The following KANK4 variants were observed in gnomAD, a reference collection of about 807,000 sequenced individuals.
KANK4 encodes the protein KN motif and ankyrin repeat domains 4.
In KANK4, 50 loss-of-function variants were observed where a neutral mutation model predicts 80.8. The observed-to-expected ratio is 0.62, with a 90% CI of 0.49 to 0.78. KANK4 has a LOEUF of 0.78. KANK4 is among the 30% of genes least tolerant of loss of function. KANK4 has a pLI of 0.00. For synonymous variants in KANK4, 465 were observed against 506.9 expected (o/e 0.92, Z 1.11); for missense variants, 1,196 against 1,240.1 (o/e 0.96, Z 0.53).
chr1:62,242,437 G>A (rs115138344), intron 9 of KANK4, among the ~76,000 whole-genome samples: 5,278 of 148,608 alleles, frequency 0.036, 107 homozygotes, highest in Middle Eastern at 0.053. Context: ...AACTGTGTGT[G>A]TATCCATGTG....
intron 1 of KANK4, among the ~76,000 whole-genome samples, chr1:62,300,079 T>C (rs1335316364): frequency 6.6e-6 from 1 of 152,124 alleles, no homozygotes; most frequent in Non-Finnish European, 1.5e-5. Flanking sequence ...CTGGTGTATG[T>C]GGGTTCAGCT....
At chr1:62,295,764 G>A (rs1302717050) in intron 1 of KANK4, among the ~76,000 whole-genome samples, 1 of 152,156 alleles carries the variant, frequency 6.6e-6, no homozygotes, top group East Asian at 1.9e-4. Flanking sequence ...TGGAATTGAT[G>A]GTTTCTTTAA....
chr1:62,242,225 A>G (rs550011965), intron 9 of KANK4, among the ~76,000 whole-genome samples: 55 of 152,130 alleles, frequency 3.6e-4, no homozygotes, highest in Non-Finnish European at 5.4e-4. Flanking sequence ...GGCCAGGTGC[A>G]CTGGCTCATG....
At chr1:62,291,459 T>G (rs1453001296) in intron 1 of KANK4, among the ~76,000 whole-genome samples, 2 of 152,236 alleles carry the variant, frequency 1.3e-5, no homozygotes, top group Non-Finnish European at 2.9e-5. Context: ...ATTAATTTTT[T>G]TAGATAGGGT....
chr1:62,314,316 A>C (rs556370270), intron 1 of KANK4, among the ~76,000 whole-genome samples: 19 of 152,202 alleles, frequency 1.2e-4, no homozygotes, highest in African/African-American at 4.1e-4. Flanking sequence ...CCCAGCCTCC[A>C]TTCTGTCTTT....
chr1:62,292,334 C>T (rs138063114), intron 1 of KANK4, among the ~76,000 whole-genome samples: 54 of 152,266 alleles, frequency 3.5e-4, no homozygotes, highest in African/African-American at 1.1e-3. Flanking sequence ...CCTAGAAACA[C>T]GTGAACACGC....
chr1:62,273,932 A>G lies in KANK4; in HGVS notation c.1172T>C (p.Val391Ala), dbSNP rs752771954. The change falls in exon 3 of 10, where the codon GTA becomes GCA. Residue 391 changes from valine (V) to alanine (A), a missense_variant. Coordinates refer to ENST00000371153, the MANE Select transcript of KANK4 (RefSeq NM_181712.5). ...EQRIRELEFT[V>A]AQLEGQFHQE... ...GTGAAACTGTCCTTCCAGTTGGGCT[A>G]CAGTGAACTCCAGCTCTCGAATTCT... 48 of 1,614,096 alleles carry G rather than the reference A, an allele frequency of 3.0e-5. No homozygotes were observed. Among genetic ancestry groups the G allele is most frequent in the Non-Finnish European group, 3.6e-5 (43 of 1,180,042 alleles).
At position 62,259,964 on chromosome 1, in the gene KANK4, C is replaced by T. The variant is rs962325282; in HGVS notation, c.2539+3128G>A. Among the ~76,000 whole-genome samples the T allele has an allele frequency of 3.3e-5, 5 of 152,144 alleles. No homozygotes were observed. In the East Asian group the frequency reaches 7.8e-4, roughly 24 times the overall value. ...CATTTGACCGAGGCCCATGCACTTTCGCTCAGCCTCATCATGCACCTGTCT... is the reference window on the plus strand; with the variant it reads ...CATTTGACCGAGGCCCATGCACTTTTGCTCAGCCTCATCATGCACCTGTCT... On this transcript the variant is annotated intron_variant, in intron 7 of 9. Transcript: ENST00000371153.
At chr1:62,267,306 G>A (rs1031433735) in intron 5 of KANK4, among the ~76,000 whole-genome samples, 1 of 60,308 alleles carries the variant, frequency 1.7e-5, no homozygotes, top group East Asian at 6.5e-4. Context: ...TATGAGACTC[G>A]TTGAAGCTGG....
In KANK4 at chr1:62,274,368, GGA is replaced by G; in HGVS notation, c.734_735del (p.Leu245ProfsTer22). ...PEGVVKVPNH[L>X]PLPGPPFSFQ... ...AATGAGAAAGGAGGGCCTGGGAGAGGGAGGTGATTTGGAACCTTCACCACACC... is the reference window on the plus strand; with the variant it reads ...AATGAGAAAGGAGGGCCTGGGAGAGGGGTGATTTGGAACCTTCACCACACC... On this transcript the variant is annotated frameshift_variant, in exon 3 of 10. Coordinates refer to ENST00000371153, the MANE Select transcript of KANK4 (RefSeq NM_181712.5). LOFTEE classifies it high-confidence loss of function. 1 of 1,614,156 alleles carries G rather than the reference GGA, an allele frequency of 6.2e-7. No homozygotes were observed. The highest frequency in any genetic ancestry group is 1.1e-5 in the South Asian group (1 of 91,080).
At chr1:62,287,119 G>A (rs1346195838) in intron 1 of KANK4, among the ~76,000 whole-genome samples, 1 of 152,102 alleles carries the variant, frequency 6.6e-6, no homozygotes, top group African/African-American at 2.4e-5. Flanking sequence ...CAAGCACAGT[G>A]GAGGGTCTTC....
chr1:62,291,288 G>A (rs1459294215), intron 1 of KANK4, among the ~76,000 whole-genome samples: 6 of 152,000 alleles, frequency 3.9e-5, no homozygotes, highest in African/African-American at 1.2e-4. Flanking sequence ...TTGTTTGTTC[G>A]TTGTTGCTGT....
chr1:62,256,302 T>A (rs948346009), intron 7 of KANK4, among the ~76,000 whole-genome samples: 1 of 152,142 alleles, frequency 6.6e-6, no homozygotes, highest in African/African-American at 2.4e-5. Flanking sequence ...ATGAAAAAAA[T>A]GTCAATTAGT....
chr1:62,255,846 C>T (rs967714967), intron 7 of KANK4, among the ~76,000 whole-genome samples: 1 of 152,074 alleles, frequency 6.6e-6, no homozygotes, highest in African/African-American at 2.4e-5. Flanking sequence ...AACAGGGTTT[C>T]ACTATGTTGC....
At chr1:62,243,300 GCATTCT>G (rs1169493098) in intron 9 of KANK4, among the ~76,000 whole-genome samples, 1 of 151,908 alleles carries the variant, frequency 6.6e-6, no homozygotes, top group African/African-American at 2.4e-5. Flanking sequence ...CCTAAACCAG[GCATTCT>G]CAATTGCAGC....
chr1:62,302,171 G>C (rs759357053), intron 1 of KANK4, among the ~76,000 whole-genome samples: 1 of 152,084 alleles, frequency 6.6e-6, no homozygotes, highest in African/African-American at 2.4e-5. Context: ...TGAAGCAGCA[G>C]ATGGGCTACG....
rs1381413115 is a variant in KANK4, at chr1:62,264,556, A to G, written c.2320-1245T>C. ...CTGGCCCCTTACCTTCCATGGCTCT[A>G]CAGAGTGAGGTCCTTACACACCTGC... On this transcript the variant is annotated intron_variant, in intron 6 of 9. Coordinates refer to ENST00000371153, the MANE Select transcript of KANK4 (RefSeq NM_181712.5). Among the ~76,000 whole-genome samples, 3 of 152,356 alleles carry G rather than the reference A, an allele frequency of 2.0e-5. No homozygotes were observed. In the East Asian group the frequency reaches 5.8e-4, roughly 29 times the overall value.
At chr1:62,291,974 T>C (rs1201648189) in intron 1 of KANK4, among the ~76,000 whole-genome samples, 2 of 152,162 alleles carry the variant, frequency 1.3e-5, no homozygotes, top group East Asian at 3.8e-4. Flanking sequence ...TCACCCTCTA[T>C]TTCCAGAACA....
At chr1:62,303,372 G>A (rs998828729) in intron 1 of KANK4, among the ~76,000 whole-genome samples, 1 of 151,892 alleles carries the variant, frequency 6.6e-6, no homozygotes. Flanking sequence ...GGGGAGGGGC[G>A]GTATTTTCAA....
Sources: gnomAD v4.1 joint callset for allele counts (sites outside exome capture counted in the v4.1 genomes callset) on GRCh38, gnomAD v4.1.1 for gene constraint, MANE v1.5 for transcripts, NCBI Gene and HGNC (gene_info 2026-07-23, HGNC 2026-07-21) for gene names.